The following PACS2 variants were observed in gnomAD, a reference collection of about 807,000 sequenced individuals.
PACS2 encodes the protein phosphofurin acidic cluster sorting protein 2, also known as PACS1-like protein.
A neutral mutation model predicts 113.0 loss-of-function variants in PACS2; 36 were observed. The ratio of observed to expected loss-of-function variants is 0.32; its 90% CI spans 0.24 to 0.42. The LOEUF (loss-of-function observed/expected upper bound fraction) is 0.42. Among genes scored for constraint, PACS2 ranks in the 10% least tolerant of loss-of-function variants. The probability of loss-of-function intolerance (pLI) is 1.00; values close to 1 mark genes in which losing one functional copy is unlikely to be tolerated. For missense variants in PACS2, 1,015 were observed against 1,239.5 expected (o/e 0.82, Z 2.72); for synonymous variants, 589 against 536.1 (o/e 1.10, Z -1.36).
chr14:105,360,938 T>C (rs1258216857), intron 4 of PACS2, among the ~76,000 whole-genome samples: 1 of 152,186 alleles, frequency 6.6e-6, no homozygotes, highest in African/African-American at 2.4e-5. Context: ...GAAACCACTT[T>C]CGTTGCTCAT....
At chr14:105,342,977 A>AC (rs1364884756) in intron 1 of PACS2, among the ~76,000 whole-genome samples, 1 of 150,110 alleles carries the variant, frequency 6.7e-6, no homozygotes, top group Non-Finnish European at 1.5e-5. Flanking sequence ...GTAAAGGTTC[A>AC]CCCCTCACAC....
chr14:105,339,040 G>A (rs375583359), intron 1 of PACS2, among the ~76,000 whole-genome samples: 1 of 152,194 alleles, frequency 6.6e-6, no homozygotes, highest in East Asian at 1.9e-4. Context: ...ACCAACCCAG[G>A]CTGACTTCAG....
chr14:105,349,462 A>C (rs587774620), intron 2 of PACS2, among the ~76,000 whole-genome samples: 1 of 152,200 alleles, frequency 6.6e-6, no homozygotes, highest in African/African-American at 2.4e-5. Context: ...CCAAGGCCCC[A>C]CACAGGTCCC....
rs587603067 is a variant in PACS2, at chr14:105,347,723, C to T, written c.120-770C>T. ...TCAAAGAGAGCTGTGCCAAAGTTTCCGGAAAGCTTGCCAGTGTGGGTGTTG... is the reference window on the plus strand; with the variant it reads ...TCAAAGAGAGCTGTGCCAAAGTTTCTGGAAAGCTTGCCAGTGTGGGTGTTG... On this transcript the variant is annotated intron_variant, in intron 1 of 24. Coordinates refer to ENST00000447393, the MANE Select transcript of PACS2 (RefSeq NM_001100913.3). 6.1e-4 allele frequency among the ~76,000 whole-genome samples: 93 copies of T among 152,334 alleles called. 3 individuals carry two copies. In the South Asian group the frequency reaches 0.017, roughly 28 times the overall value.
Position 105,395,114 on chromosome 14 carries a change from G to T in PACS2, c.*442G>T, listed in dbSNP as rs1480816413. The stretch of plus-strand genomic sequence containing the variant: ...GTTGGGGTTGTCCTGAGTTGAGCCT[G>T]GGGGGGCCGTCCTGCCCGCCTAAGA... On this transcript the variant is annotated 3_prime_UTR_variant, in exon 25 of 25. Transcript: ENST00000447393. 2 of 167,444 alleles carry T rather than the reference G, an allele frequency of 1.2e-5. No homozygotes were observed. The highest frequency in any genetic ancestry group is 5.8e-5 in the Admixed American group (1 of 17,268). 10.4% of individuals were successfully genotyped at this position (167,444 alleles called of 1,614,324 possible). A position where few individuals can be genotyped will look rare whatever the true frequency, so the allele number is the denominator to read the frequency against.
In PACS2 at chr14:105,355,302, A is replaced by G; in HGVS notation, c.423+125A>G. ...CCAGGGATCAGGTGAAAATGATGAG[A>G]GGAGCCTGGGCGGCCGGGCTCCGCC... On this transcript the variant is annotated intron_variant, in intron 4 of 24. Coordinates refer to ENST00000447393, the MANE Select transcript of PACS2 (RefSeq NM_001100913.3). This position sits in a 1 kb window ranked among gnomAD's most constrained non-coding sequence, Gnocchi z 4.1. 1 of 1,210,358 alleles carries G rather than the reference A, an allele frequency of 8.3e-7. No homozygotes were observed. The highest frequency in any genetic ancestry group is 2.9e-4 in the Middle Eastern group (1 of 3,488). 75.0% of individuals were successfully genotyped at this position (1,210,358 alleles called of 1,614,324 possible). A position where few individuals can be genotyped will look rare whatever the true frequency, so the allele number is the denominator to read the frequency against.
At chr14:105,359,593 T>TC (rs1224610169) in intron 4 of PACS2, among the ~76,000 whole-genome samples, 7 of 144,592 alleles carry the variant, frequency 4.8e-5, no homozygotes, top group African/African-American at 1.8e-4. Context: ...CTTTCTTTTT[T>TC]TTTTTTTTTT....
rs1555408032 is a variant in PACS2 at position 105,366,857 on chromosome 14, G to T, written c.424-356G>T. 6.6e-6 allele frequency among the ~76,000 whole-genome samples: 1 copy of T among 152,190 alleles called. No homozygotes were observed. Among genetic ancestry groups the T allele is most frequent in the Non-Finnish European group, 1.5e-5 (1 of 68,022 alleles). ...CTGCATGGACAGCAGTCGTGCCTGA[G>T]ATCAGGAGGGCCGCGGACACCCCTG... On this transcript the variant is annotated intron_variant, in intron 4 of 24. Transcript: ENST00000447393. This position sits in a 1 kb window ranked among gnomAD's most constrained non-coding sequence, Gnocchi z 4.3.
In PACS2 at chr14:105,376,829, T is replaced by C. The variant is rs1424017269; in HGVS notation, c.863T>C (p.Leu288Pro). The change falls in exon 9 of 25, where the codon CTC (leucine) becomes CCC (proline). Residue 288 changes from leucine (L) to proline (P), a missense_variant. Physicochemically the swap from Leu to Pro is moderately conservative, Grantham distance 98. Around this residue, in one of 3 missense-constraint regions of PACS2, gnomAD observed 859 missense variants for 1,056.8 expected, o/e 0.81. Coordinates refer to ENST00000447393, the MANE Select transcript of PACS2 (RefSeq NM_001100913.3). This position sits in a 1 kb window ranked among gnomAD's most constrained non-coding sequence, Gnocchi z 4.7. ...CCCGAGGCAGAGGAGGACCTGGACC[T>C]CCTGTATGACACCCTGGACATGGAG... ...HIPEAEEDLDLLYDTLDMEHP... is the reference protein window; with the variant it reads ...HIPEAEEDLDPLYDTLDMEHP... 3 of 1,613,072 alleles carry C rather than the reference T, an allele frequency of 1.9e-6. No homozygotes were observed. The African/African-American group carries it at 4.0e-5, about 22-fold the overall frequency.
At chr14:105,343,195 C>G (rs1024487928) in intron 1 of PACS2, among the ~76,000 whole-genome samples, 5 of 152,226 alleles carry the variant, frequency 3.3e-5, no homozygotes, top group African/African-American at 1.2e-4. Context: ...AACACGATGC[C>G]TTCCAGATCC....
intron 18 of PACS2, 61 bp downstream of exon 18, chr14:105,385,048 G>GC: frequency 9.4e-7 from 1 of 1,061,828 alleles, no homozygotes; most frequent in Admixed American, 2.0e-5. Context: ...CCCTCCGTGG[G>GC]CCTCCCCACC....
At chr14:105,303,339 G>C (rs587758560) in intron 1 of PACS2, among the ~76,000 whole-genome samples, 2 of 152,250 alleles carry the variant, frequency 1.3e-5, no homozygotes, top group South Asian at 2.1e-4. Context: ...CACCTCCCGG[G>C]TTCATGCCAT....
chr14:105,361,779 G>A (rs1429497873), intron 4 of PACS2, among the ~76,000 whole-genome samples: 2 of 152,136 alleles, frequency 1.3e-5, no homozygotes, highest in East Asian at 1.9e-4. Context: ...GAGAAACCCC[G>A]TCTCTACTAA....
In PACS2 at chr14:105,381,115, C is replaced by T. The variant is rs372601062; in HGVS notation, c.1268+16C>T. 8.1e-6 allele frequency: 13 copies of T among 1,601,110 alleles called. No individual in the cohort carries two copies. The highest frequency in any genetic ancestry group is 2.2e-5 in the East Asian group (1 of 44,512). Reference sequence around the variant, plus strand: ...CCTCCACCAGGTGATGGGGGCTGCACGGCGGGGCGGGGCGGTGATGCACCT... The same window carrying T: ...CCTCCACCAGGTGATGGGGGCTGCATGGCGGGGCGGGGCGGTGATGCACCT... On this transcript the variant is annotated intron_variant, in intron 12 of 24. Coordinates refer to ENST00000447393, the MANE Select transcript of PACS2 (RefSeq NM_001100913.3).
At chr14:105,377,768 C>T (rs947534569) in intron 9 of PACS2, among the ~76,000 whole-genome samples, 5 of 152,226 alleles carry the variant, frequency 3.3e-5, no homozygotes, top group East Asian at 1.9e-4. Flanking sequence ...AACAGGTGAC[C>T]GCGGATGTGG....
intron 1 of PACS2, among the ~76,000 whole-genome samples, chr14:105,344,251 G>GTT (rs797043076): frequency 1.3e-5 from 2 of 149,574 alleles, no homozygotes; most frequent in Non-Finnish European, 3.0e-5. Flanking sequence ...TTGCCTGGAA[G>GTT]TTTTTTTTTG....
upstream of PACS2, among the ~76,000 whole-genome samples, chr14:105,313,132 G>A (rs1467851215): frequency 2.6e-5 from 4 of 152,164 alleles, no homozygotes; most frequent in East Asian, 7.7e-4. Flanking sequence ...TTGACCCCCA[G>A]TTGTAGTCCC....
chr14:105,373,642 G>A (rs1309250904), intron 8 of PACS2, among the ~76,000 whole-genome samples: 2 of 152,088 alleles, frequency 1.3e-5, no homozygotes, highest in East Asian at 3.9e-4. Context: ...CAAAAAATTG[G>A]CCGGGCATGG....
rs977707655 is a variant in PACS2, at chr14:105,365,875, G to T, written c.424-1338G>T. Among the ~76,000 whole-genome samples the T allele has an allele frequency of 6.6e-6, 1 of 152,252 alleles. No individual in the cohort carries two copies. Among genetic ancestry groups the T allele is most frequent in the Non-Finnish European group, 1.5e-5 (1 of 68,044 alleles). The stretch of plus-strand genomic sequence containing the variant: ...GCAGCCTCCAAGTACGTGAAGCTGC[G>T]TGTGCCCCGGCGAGTTGTGGGCACG... On this transcript the variant is annotated intron_variant, in intron 4 of 24. Coordinates refer to ENST00000447393, the MANE Select transcript of PACS2 (RefSeq NM_001100913.3). The surrounding 1 kb of genome is among the most constrained non-coding windows in gnomAD (Gnocchi z 5.1).
Sources: gnomAD v4.1 joint callset for allele counts (sites outside exome capture counted in the v4.1 genomes callset) on GRCh38, gnomAD v4.1.1 for gene constraint, gnomAD v4.1.1 regional missense constraint, Gnocchi (gnomAD v3.1) non-coding constraint, MANE v1.5 for transcripts, NCBI Gene and HGNC (gene_info 2026-07-23, HGNC 2026-07-21) for gene names.